The following CSAD variants were observed in gnomAD, a reference collection of about 807,000 sequenced individuals.
CSAD encodes the protein P-selectin cytoplasmic tail-associated protein.
In CSAD, 47 loss-of-function variants were observed where a neutral mutation model predicts 61.5. The observed-to-expected ratio is 0.76, with a 90% confidence interval of 0.60 to 0.97. CSAD has a LOEUF of 0.97. Among genes scored for constraint, CSAD ranks in the 50% least tolerant of loss-of-function variants. The pLI, the probability that CSAD is intolerant of heterozygous loss-of-function variation, is 0.00. For missense variants in CSAD, 611 were observed against 643.6 expected, an observed-to-expected ratio of 0.95 and a Z score of 0.55; for synonymous variants, 245 against 252.7, an observed-to-expected ratio of 0.97 and a Z score of 0.29.
At chr12:53,165,318 G>A (rs1939780759) in intron 10 of CSAD, among the ~76,000 whole-genome samples, 1 of 151,726 alleles carries the variant, frequency 6.6e-6, no homozygotes, top group Admixed American at 6.6e-5. Flanking sequence ...TCCAGCCTGG[G>A]TGACAGAGCA....
chr12:53,158,412 A>C lies in CSAD; in HGVS notation c.*99T>G, dbSNP rs1383004185. On this transcript the variant is annotated 3_prime_UTR_variant, in exon 17 of 17. Coordinates refer to ENST00000444623, the MANE Select transcript of CSAD (RefSeq NM_001244705.2). ...CGGCCTCCCAAAGTGCTGGGATTAC[A>C]GGCGTGAGCCACTGCACCCGGCCTC... 2 of 1,277,128 alleles carry C rather than the reference A, an allele frequency of 1.6e-6. No individual in the cohort carries two copies. Among genetic ancestry groups the C allele is most frequent in the African/African-American group, 3.0e-5 (2 of 66,742 alleles). The allele number at this position is 1,277,128 out of a possible 1,614,324, so 79.1% of individuals were successfully genotyped here. A position where few individuals can be genotyped will look rare whatever the true frequency, so the allele number is the denominator to read the frequency against.
intron 10 of CSAD, among the ~76,000 whole-genome samples, chr12:53,162,482 C>T (rs1939400310): frequency 6.6e-6 from 1 of 151,638 alleles, no homozygotes; most frequent in African/African-American, 2.4e-5. Flanking sequence ...GCAGGAGAAT[C>T]ACTTGAACCT....
intron 1 of CSAD, 196 bp downstream of exon 1, chr12:53,180,535 CA>C (rs1370471387): frequency 1.9e-5 from 24 of 1,278,718 alleles, no homozygotes; most frequent in Non-Finnish European, 2.0e-5. Context: ...CTCCCTCCTC[CA>C]TGCCCTCGGC....
At chr12:53,159,130 T>C (rs573848560) in intron 16 of CSAD, among the ~76,000 whole-genome samples, 5 of 152,314 alleles carry the variant, frequency 3.3e-5, no homozygotes, top group South Asian at 2.1e-4. Context: ...TGCTTCCAAG[T>C]AGGTAACTCT....
Position 53,160,135 on chromosome 12 carries a change from G to T in CSAD, c.1151C>A (p.Ala384Asp), listed in dbSNP as rs779032550. The change falls in exon 14 of 17, where the codon GCC becomes GAC. Residue 384 changes from alanine (A) to aspartate (D), a missense_variant. By Grantham distance (126) the Ala-to-Asp change is moderately radical (BLOSUM62 -2). Coordinates refer to ENST00000444623, the MANE Select transcript of CSAD (RefSeq NM_001244705.2). Reference protein sequence around the residue: ...DQGLERRIDQAFVLARYLVEE... With the variant: ...DQGLERRIDQDFVLARYLVEE... Reference sequence around the variant, plus strand: ...TCCCGCCTACCGGGCAAGGACAAAGGCCTGGTCGATGCGCCGCTCCAGCCC... The same window carrying T: ...TCCCGCCTACCGGGCAAGGACAAAGTCCTGGTCGATGCGCCGCTCCAGCCC... 4.3e-6 allele frequency: 7 copies of T among 1,613,278 alleles called. No individual in the cohort carries two copies. The highest frequency in any genetic ancestry group is 2.2e-5 in the East Asian group (1 of 44,892).
chr12:53,173,504 T>G, intron 3 of CSAD, 28 bp from the exon 4 acceptor site: 4 of 1,614,118 alleles, frequency 2.5e-6, no homozygotes, highest in African/African-American at 1.3e-5. Context: ...CATTCCCTAC[T>G]CAGCCTGTCA....
intron 10 of CSAD, among the ~76,000 whole-genome samples, chr12:53,161,769 C>A (rs1939310587): frequency 6.6e-6 from 1 of 151,996 alleles, no homozygotes; most frequent in South Asian, 2.1e-4. Flanking sequence ...CCAGCCTGGG[C>A]AAAATAGCAA....
At chr12:53,161,511 A>C in intron 10 of CSAD, 122 bp from the exon 11 acceptor site, 1 of 721,140 alleles carries the variant, frequency 1.4e-6, no homozygotes, top group Non-Finnish European at 2.4e-6. Flanking sequence ...ACCTCACAAC[A>C]ATGTGTTACT....
At chr12:53,178,294 A>C (rs1417115871) in intron 2 of CSAD, 6 of 448,628 alleles carry the variant, frequency 1.3e-5, no homozygotes, top group Non-Finnish European at 2.2e-5. Flanking sequence ...GCAACATGGC[A>C]AAACCCTGTC....
At chr12:53,171,744 C>CCCTGG (rs1428306720) in intron 7 of CSAD, 138 bp downstream of exon 7, 3 of 664,578 alleles carry the variant, frequency 4.5e-6, no homozygotes, top group African/African-American at 1.8e-5. Context: ...GCAGCCGCCT[C>CCCTGG]CCTGGCCTGG....
intron 1 of CSAD, chr12:53,179,805 A>G (rs1393133408): frequency 1.2e-6 from 2 of 1,613,778 alleles, no homozygotes; most frequent in Non-Finnish European, 1.7e-6. Context: ...AGTGGAATTG[A>G]CATCTCCTTC....
intron 16 of CSAD, among the ~76,000 whole-genome samples, 197 bp from the exon 17 acceptor site, chr12:53,158,881 T>C (rs946030655): frequency 6.6e-5 from 10 of 152,152 alleles, no homozygotes; most frequent in African/African-American, 2.4e-4. Context: ...GCCTTCGCTA[T>C]CTTCTGCTTT....
intron 10 of CSAD, 51 bp downstream of exon 10, chr12:53,170,021 C>T: frequency 6.6e-7 from 1 of 1,510,490 alleles, no homozygotes; most frequent in South Asian, 1.1e-5. Context: ...CCCAAATAAC[C>T]CTCCAAGACA....
chr12:53,159,653 C>T lies in CSAD; in HGVS notation c.1278G>A (p.Glu426=), dbSNP rs773460866. The change falls in exon 16 of 17, where the codon GAG becomes GAA. Residue 426 remains glutamate (E), a synonymous_variant. Coordinates refer to ENST00000444623, the MANE Select transcript of CSAD (RefSeq NM_001244705.2). ...FVPPSLRGKQ[E]SPDYHERLSK... The stretch of plus-strand genomic sequence containing the variant: ...ACAGCCTTTCGTGGTAATCTGGACT[C>T]TCCTGCTTCCCTCGCAGGCTGGGGG... 2 of 1,611,730 alleles carry T rather than the reference C, an allele frequency of 1.2e-6. No homozygotes were observed. The highest frequency in any genetic ancestry group is 3.4e-5 in the Admixed American group (2 of 59,606).
At chr12:53,174,679 A>T (rs944265326) in intron 2 of CSAD, among the ~76,000 whole-genome samples, 1 of 152,042 alleles carries the variant, frequency 6.6e-6, no homozygotes, top group African/African-American at 2.4e-5. Context: ...CTGTAATCCC[A>T]GCTACTCAGG....
chr12:53,162,597 A>G (rs993077991), intron 10 of CSAD, among the ~76,000 whole-genome samples: 7 of 151,980 alleles, frequency 4.6e-5, no homozygotes, highest in Non-Finnish European at 1.0e-4. Flanking sequence ...GAATAGTACA[A>G]AAGTTTATGC....
intron 10 of CSAD, among the ~76,000 whole-genome samples, chr12:53,161,930 A>C (rs1939328595): frequency 6.6e-6 from 1 of 152,180 alleles, no homozygotes; most frequent in Non-Finnish European, 1.5e-5. Flanking sequence ...ACTGCACTCC[A>C]GCCTGGGCAA....
intron 2 of CSAD, among the ~76,000 whole-genome samples, 184 bp downstream of exon 2, chr12:53,178,918 C>T (rs1005577830): frequency 6.6e-6 from 1 of 152,162 alleles, no homozygotes; most frequent in South Asian, 2.1e-4. Context: ...AAAGGCACGA[C>T]TCTCGCCTCA....
At chr12:53,178,727 G>A (rs954484964) in intron 2 of CSAD, among the ~76,000 whole-genome samples, 5 of 152,266 alleles carry the variant, frequency 3.3e-5, no homozygotes, top group African/African-American at 1.2e-4. Flanking sequence ...GGAGGTTGCA[G>A]TGAGCCAAGA....
Sources: allele counts gnomAD v4.1 joint callset (sites outside exome capture counted in the v4.1 genomes callset), GRCh38; gene constraint gnomAD v4.1.1; transcripts MANE v1.5; gene names NCBI Gene and HGNC (gene_info 2026-07-23, HGNC 2026-07-21).